The following VPS33A variants were observed in gnomAD, a reference collection of about 807,000 sequenced individuals.
The protein encoded by VPS33A is vacuolar protein sorting-associated protein 33A.
A neutral mutation model predicts 71.8 loss-of-function variants in VPS33A; 32 were observed. That is an observed-to-expected ratio of 0.45 (90% confidence interval 0.34 to 0.60). The LOEUF is 0.60. Among genes scored for constraint, VPS33A ranks in the 20% least tolerant of loss-of-function variants. The pLI is 0.02. For synonymous variants in VPS33A, 311 were observed against 292.7 expected (o/e 1.06, Z -0.64); for missense variants, 625 against 748.5 (o/e 0.84, Z 1.92).
intron 10 of VPS33A, among the ~76,000 whole-genome samples, chr12:122,237,862 CTGG>C (rs879373359): frequency 5.9e-5 from 9 of 151,930 alleles, no homozygotes; most frequent in Non-Finnish European, 1.2e-4. Flanking sequence ...GTTGCCTAGG[CTGG>C]TTTTGGACTC....
chr12:122,263,607 T>C lies in VPS33A; in HGVS notation c.261A>G (p.Leu87=), dbSNP rs1204943520. The C allele has an allele frequency of 1.9e-6, 3 of 1,613,292 alleles. No individual in the cohort carries two copies. Among genetic ancestry groups the C allele is most frequent in the Admixed American group, 3.3e-5 (2 of 59,922 alleles). The part of the protein sequence containing the change: ...KNIIFFVRPR[L]ELMDIIAENV... ...TTTCAGCGATTATATCCATCAACTC[T>C]AGCCTGGGTCTGACAAAAAAAATTA... Residue 87 remains leucine (L), a synonymous_variant, in exon 3 of 13, where the codon CTA becomes CTG. Transcript: ENST00000267199.
At chr12:122,239,019 A>ACC (rs1254344335) in intron 9 of VPS33A, among the ~76,000 whole-genome samples, 2 of 138,200 alleles carry the variant, frequency 1.4e-5, no homozygotes, top group African/African-American at 6.1e-5. Flanking sequence ...ACACACACAC[A>ACC]CACCCCCCAG....
At chr12:122,256,263 G>C (rs11057293) in intron 4 of VPS33A, among the ~76,000 whole-genome samples, 2,614 of 151,842 alleles carry the variant, frequency 0.017, 60 homozygotes, top group Admixed American at 0.057. Context: ...CTCTACCTTC[G>C]AAGTATTTTA....
At chr12:122,235,114 CT>C (rs1401443469) in intron 11 of VPS33A, among the ~76,000 whole-genome samples, 9 of 151,950 alleles carry the variant, frequency 5.9e-5, no homozygotes, top group African/African-American at 2.2e-4. Flanking sequence ...GGACTAAAGG[CT>C]CATACTACCA....
In VPS33A at chr12:122,250,964, C is replaced by T; in HGVS notation, c.600+19G>A. 1 of 1,599,760 alleles carries T rather than the reference C, an allele frequency of 6.3e-7. No individual in the cohort carries two copies. Among genetic ancestry groups the T allele is most frequent in the Admixed American group, 1.7e-5 (1 of 59,550 alleles). On this transcript the variant is annotated intron_variant, in intron 5 of 12. Coordinates refer to ENST00000267199, the MANE Select transcript of VPS33A (RefSeq NM_022916.6). The stretch of plus-strand genomic sequence containing the variant: ...TGTGAAGGGCCCTCCTTTACCACCA[C>T]AAAGCAGCCGGTTCTCACCCGAGCG...
intron 4 of VPS33A, chr12:122,253,342 C>T (rs12824385): frequency 0.22 from 34,039 of 152,074 alleles, 4,879 homozygotes; most frequent in East Asian, 0.62. Flanking sequence ...ATCATGAGGT[C>T]GGGAGTTCTA....
intron 9 of VPS33A, 88 bp from the exon 10 acceptor site, chr12:122,238,812 A>C: frequency 8.8e-7 from 1 of 1,142,016 alleles, no homozygotes; most frequent in Non-Finnish European, 1.2e-6. Context: ...CACACAATAC[A>C]TGGTTTAGGA....
At chr12:122,261,104 G>A (rs1015111824) in intron 4 of VPS33A, among the ~76,000 whole-genome samples, 157 bp downstream of exon 4, 1 of 152,012 alleles carries the variant, frequency 6.6e-6, no homozygotes, top group African/African-American at 2.4e-5. Context: ...AAGAAAAAAC[G>A]GGCAAAGAAA....
At chr12:122,243,945 T>A (rs1367842710) in intron 7 of VPS33A, among the ~76,000 whole-genome samples, 1 of 152,166 alleles carries the variant, frequency 6.6e-6, no homozygotes, top group Non-Finnish European at 1.5e-5. Context: ...ACATACTCAG[T>A]GAAAAATTCA....
chr12:122,261,765 G>A (rs967696418), intron 3 of VPS33A, among the ~76,000 whole-genome samples: 5 of 152,160 alleles, frequency 3.3e-5, no homozygotes, highest in Admixed American at 2.0e-4. Flanking sequence ...CACTTTGGGA[G>A]GCCGAGGCGA....
intron 12 of VPS33A, 144 bp downstream of exon 12, chr12:122,232,656 T>C (rs1954578563): frequency 1.7e-6 from 2 of 1,147,740 alleles, no homozygotes; most frequent in South Asian, 3.2e-5. Context: ...ATTCGAGTTC[T>C]TACTACATAC....
At chr12:122,262,603 C>CT (rs5801474) in intron 3 of VPS33A, among the ~76,000 whole-genome samples, 54,070 of 138,396 alleles carry the variant, frequency 0.39, 11,821 homozygotes, top group East Asian at 0.67. Flanking sequence ...ATTTAATCAG[C>CT]TTTTTTTTTT....
chr12:122,245,826 T>C (rs1202519765), intron 6 of VPS33A, among the ~76,000 whole-genome samples: 1 of 152,222 alleles, frequency 6.6e-6, no homozygotes, highest in Non-Finnish European at 1.5e-5. Context: ...TACTTTCACA[T>C]GACAATGACA....
At chr12:122,239,275 C>T (rs1180408916) in intron 9 of VPS33A, among the ~76,000 whole-genome samples, 1 of 152,154 alleles carries the variant, frequency 6.6e-6, no homozygotes, top group African/African-American at 2.4e-5. Context: ...ATATAAGAAA[C>T]TCTTTCAAAA....
Position 122,242,406 on chromosome 12 carries a change from C to A in VPS33A, c.1072G>T (p.Ala358Ser). Residue 358 changes from alanine (A) to serine (S), a missense_variant, in exon 8 of 13, where the codon GCA (alanine) becomes TCA (serine). By Grantham distance (99) the Ala-to-Ser change is moderately conservative. Transcript: ENST00000267199. ...CTAGTGACATCTTTGATCAATTCTG[C>A]AATTGAGGTATGGTTTGCAAGCGAG... Reference protein sequence around the residue: ...RGSLANHTSIAELIKDVTTSE... With the variant: ...RGSLANHTSISELIKDVTTSE... 1 of 1,614,030 alleles carries A rather than the reference C, an allele frequency of 6.2e-7. No homozygotes were observed.
chr12:122,245,903 C>A (rs919459960), intron 6 of VPS33A, among the ~76,000 whole-genome samples: 1 of 152,200 alleles, frequency 6.6e-6, no homozygotes, highest in African/African-American at 2.4e-5. Context: ...TACTTACTAT[C>A]TGGGTCTTTA....
At position 122,260,231 on chromosome 12, in the gene VPS33A, C is replaced by T. The variant is rs145403514; in HGVS notation, c.483+1030G>A. 3.1e-3 allele frequency among the ~76,000 whole-genome samples: 478 copies of T among 151,848 alleles called. 5 individuals are homozygous for T. The highest frequency in any genetic ancestry group is 0.011 in the African/African-American group (461 of 41,416). On this transcript the variant is annotated intron_variant, in intron 4 of 12. Coordinates refer to ENST00000267199, the MANE Select transcript of VPS33A (RefSeq NM_022916.6). ...ATAGTTGCACAACTTTGTAAATACA[C>T]TAAAAACCACTGAATTTTGCACCTT...
At chr12:122,237,545 T>C (rs1294647464) in intron 10 of VPS33A, among the ~76,000 whole-genome samples, 1 of 146,840 alleles carries the variant, frequency 6.8e-6, no homozygotes, top group Non-Finnish European at 1.5e-5. Context: ...TTTTTTTTTT[T>C]TTTTTTTTTG....
intron 10 of VPS33A, among the ~76,000 whole-genome samples, chr12:122,237,875 C>T (rs1856006713): frequency 6.6e-6 from 1 of 151,812 alleles, no homozygotes; most frequent in Non-Finnish European, 1.5e-5. Flanking sequence ...GTTTTGGACT[C>T]CTGGGCTCAA....
Sources: allele counts gnomAD v4.1 joint callset (sites outside exome capture counted in the v4.1 genomes callset), GRCh38; gene constraint gnomAD v4.1.1; transcripts MANE v1.5; gene names NCBI Gene and HGNC (gene_info 2026-07-23, HGNC 2026-07-21).